Variants in PCDHGA1 observed in about 807,000 individuals in gnomAD.
The protein encoded by PCDHGA1 is protocadherin gamma-A1.
In PCDHGA1, 32 loss-of-function variants were observed where a neutral mutation model predicts 58.0. That is an observed-to-expected ratio of 0.55 (90% CI 0.42 to 0.74). The LOEUF (loss-of-function observed/expected upper bound fraction) is 0.74. Among genes scored for constraint, PCDHGA1 ranks in the 30% least tolerant of loss-of-function variants. The pLI is 0.00. For missense variants in PCDHGA1, 1,205 were observed against 1,182.3 expected, an observed-to-expected ratio of 1.02 and a Z score of -0.28; for synonymous variants, 498 against 501.1, an observed-to-expected ratio of 0.99 and a Z score of 0.08.
intron 1 of PCDHGA1, chr5:141,413,638 C>T (rs768604791): frequency 4.8e-5 from 78 of 1,613,686 alleles, no homozygotes; most frequent in Middle Eastern, 1.6e-4. Flanking sequence ...TGCGGGAATG[C>T]GTTTTCCTCT....
chr5:141,507,495 G>T (rs375483743), intron 3 of PCDHGA1, among the ~76,000 whole-genome samples: 2 of 152,234 alleles, frequency 1.3e-5, no homozygotes, highest in Non-Finnish European at 2.9e-5. Context: ...AGGCAGAGCT[G>T]TCCCAGGTCT....
chr5:141,429,760 C>A (rs1036499079), intron 1 of PCDHGA1, among the ~76,000 whole-genome samples: 1 of 152,020 alleles, frequency 6.6e-6, no homozygotes, highest in Non-Finnish European at 1.5e-5. Flanking sequence ...AATTTTTTCC[C>A]TATATTTTGA....
chr5:141,419,269 C>G (rs1456612499), intron 1 of PCDHGA1: 1 of 1,614,034 alleles, frequency 6.2e-7, no homozygotes, highest in Admixed American at 1.7e-5. Flanking sequence ...CGGGTGCCTC[C>G]ATAGCGCAAG....
chr5:141,478,381 C>A (rs931860600), intron 1 of PCDHGA1: 1 of 1,613,664 alleles, frequency 6.2e-7, no homozygotes, highest in Admixed American at 1.7e-5. Flanking sequence ...TGTCGCCGCA[C>A]CTTTACCATC....
intron 2 of PCDHGA1, among the ~76,000 whole-genome samples, chr5:141,499,868 A>G (rs2099794957): frequency 6.6e-6 from 1 of 152,024 alleles, no homozygotes; most frequent in Non-Finnish European, 1.5e-5. Context: ...TTGTATTTTC[A>G]GTACAAACAG....
chr5:141,500,989 C>T (rs779352768), intron 2 of PCDHGA1, among the ~76,000 whole-genome samples: 1 of 152,040 alleles, frequency 6.6e-6, no homozygotes, highest in Non-Finnish European at 1.5e-5. Context: ...CTGCCTCAGC[C>T]TCCTGAGTAG....
chr5:141,360,642 A>T (rs1268181436), intron 1 of PCDHGA1: 2 of 1,613,916 alleles, frequency 1.2e-6, no homozygotes, highest in Admixed American at 3.3e-5. Context: ...CACTACAAAG[A>T]TACCACCTTA....
At chr5:141,345,312 G>A (rs186274609) in intron 1 of PCDHGA1, 857 of 1,613,932 alleles carry the variant, frequency 5.3e-4, no homozygotes, top group Non-Finnish European at 6.6e-4. Context: ...AGCCTCAGAT[G>A]GGGGAAGCCC....
chr5:141,418,523 C>G (rs2096266495), intron 1 of PCDHGA1: 1 of 1,613,958 alleles, frequency 6.2e-7, no homozygotes, highest in Non-Finnish European at 8.5e-7. Context: ...GGACCCTCCC[C>G]GAAGCGGTAC....
chr5:141,371,270 C>G (rs778912997), intron 1 of PCDHGA1: 24 of 1,613,894 alleles, frequency 1.5e-5, no homozygotes, highest in South Asian at 5.5e-5. Flanking sequence ...GACAACTGTT[C>G]AAGCTGGACA....
At chr5:141,409,626 G>A (rs776642148) in intron 1 of PCDHGA1, 13 of 1,613,760 alleles carry the variant, frequency 8.1e-6, no homozygotes, top group Non-Finnish European at 5.1e-6. Flanking sequence ...GCGCAAGTGA[G>A]CGCCTCTGAC....
At chr5:141,372,966 C>T (rs1024382365) in intron 1 of PCDHGA1, 3 of 687,330 alleles carry the variant, frequency 4.4e-6, no homozygotes, top group Non-Finnish European at 7.0e-6. Context: ...TGTAGAATTT[C>T]CTGTAGAATA....
chr5:141,359,315 A>G (rs1471429370), intron 1 of PCDHGA1, among the ~76,000 whole-genome samples: 3 of 152,178 alleles, frequency 2.0e-5, no homozygotes, highest in Non-Finnish European at 2.9e-5. Context: ...AGGTGTTGGC[A>G]TTAGGAATAT....
Position 141,334,802 on chromosome 5 carries a change from AT to A in PCDHGA1, c.2421+1698del, listed in dbSNP as rs1300139317. On this transcript the variant is annotated intron_variant, in intron 1 of 3. Transcript: ENST00000517417. The surrounding 1 kb of genome is among the most constrained non-coding windows in gnomAD (Gnocchi z 4.6). ...TAAAGCGTCATTAAGAGACCTAGTT[AT>A]GGCCTGGGACCTGAGGTCAGATAGA... is the stretch of plus-strand genomic sequence containing the variant. Among the ~76,000 whole-genome samples the A allele has an allele frequency of 6.6e-6, 1 of 152,164 alleles. No individual in the cohort carries two copies. Among genetic ancestry groups the A allele is most frequent in the Non-Finnish European group, 1.5e-5 (1 of 68,008 alleles).
At chr5:141,412,067 G>A (rs1428018643) in intron 1 of PCDHGA1, 2 of 152,170 alleles carry the variant, frequency 1.3e-5, no homozygotes, top group Non-Finnish European at 2.9e-5. Context: ...TTGCATTTGA[G>A]GGAACAATTG....
rs372602945 is a variant in PCDHGA1, at chr5:141,351,585, A to G, written c.2421+18480A>G. 3.9e-5 allele frequency: 63 copies of G among 1,614,032 alleles called. No individual in the cohort carries two copies. The African/African-American group carries it at 7.7e-4, about 20-fold the overall frequency. ...ATCACCCTGCACATCTCCGACATCA[A>G]CGACAATGCACCTGTTTTCCATCAG... On this transcript the variant is annotated intron_variant, in intron 1 of 3. Coordinates refer to ENST00000517417, the MANE Select transcript of PCDHGA1 (RefSeq NM_018912.3).
intron 1 of PCDHGA1, among the ~76,000 whole-genome samples, chr5:141,466,790 A>C (rs1240777427): frequency 2.0e-5 from 3 of 152,210 alleles, no homozygotes; most frequent in Non-Finnish European, 2.9e-5. Context: ...TTAGTGCCTC[A>C]AACTAGATCC....
At position 141,485,632 on chromosome 5, in the gene PCDHGA1, G is replaced by C; in HGVS notation, c.2422-9175G>C. 6.2e-7 allele frequency: 1 copy of C among 1,611,766 alleles called. No individual in the cohort carries two copies. The highest frequency in any genetic ancestry group is 8.5e-7 in the Non-Finnish European group (1 of 1,178,342). ...CAGCTCCTCCAGGACAGCGTTTCCC[G>C]TTGGAAAAGGCTCAGGATGCAGATG... is the stretch of plus-strand genomic sequence containing the variant. On this transcript the variant is annotated intron_variant, in intron 1 of 3. Coordinates refer to ENST00000517417, the MANE Select transcript of PCDHGA1 (RefSeq NM_018912.3). This position sits in a 1 kb window ranked among gnomAD's most constrained non-coding sequence, Gnocchi z 5.7.
intron 1 of PCDHGA1, among the ~76,000 whole-genome samples, chr5:141,473,831 A>G (rs950283433): frequency 1.3e-5 from 2 of 152,252 alleles, no homozygotes; most frequent in African/African-American, 4.8e-5. Context: ...GTGTGATCCA[A>G]TTAAAATTTT....
Sources: gnomAD v4.1 joint callset for allele counts (sites outside exome capture counted in the v4.1 genomes callset) on GRCh38, gnomAD v4.1.1 for gene constraint, Gnocchi (gnomAD v3.1) non-coding constraint, MANE v1.5 for transcripts, NCBI Gene and HGNC (gene_info 2026-07-23, HGNC 2026-07-21) for gene names.